UTP3: variants seen among roughly 807,000 people sequenced by gnomAD.
UTP3 encodes the protein UTP3 small subunit processome component.
A neutral mutation model predicts 37.9 loss-of-function variants in UTP3; 19 were observed. The observed-to-expected ratio is 0.50, with a 90% confidence interval of 0.35 to 0.74. The LOEUF is 0.74. UTP3 is among the 30% of genes least tolerant of loss of function. UTP3 has a pLI of 0.01. For missense variants in UTP3, 504 were observed against 570.7 expected (o/e 0.88, Z 1.19); for synonymous variants, 242 against 218.5 (o/e 1.11, Z -0.95).
Position 70,690,167 on chromosome 4 carries a change from T to C in UTP3, c.*50T>C. The C allele has an allele frequency of 6.6e-7, 1 of 1,507,754 alleles. No homozygotes were observed. The highest frequency in any genetic ancestry group is 8.8e-7 in the Non-Finnish European group (1 of 1,131,024). 93.4% of individuals were successfully genotyped at this position (1,507,754 alleles called of 1,614,324 possible). A position where few individuals can be genotyped will look rare whatever the true frequency, so the allele number is the denominator to read the frequency against. On this transcript the variant is annotated 3_prime_UTR_variant, in exon 1 of 1. Transcript: ENST00000254803. ...TGGCAGTTTTGGATCAATAAATTTT[T>C]ACTTTTAACTAAAGTCATTGTATTA... is the stretch of plus-strand genomic sequence containing the variant.
rs1368408079 is a variant in UTP3, at chr4:70,689,773, G to A, written c.1096G>A (p.Asp366Asn). 1.2e-6 allele frequency: 2 copies of A among 1,613,540 alleles called. No individual in the cohort carries two copies. The change falls in exon 1 of 1, where the codon GAT becomes AAT. Residue 366 changes from aspartate to asparagine, a missense_variant. Coordinates refer to ENST00000254803, the MANE Select transcript of UTP3 (RefSeq NM_020368.3). ...TGCCTGTGCTGTTACAGATCTTTCT[G>A]ATGATTCTGATTTTGATGAAAAAGC... ...AAACAVTDLS[D>N]DSDFDEKAKL...
chr4:70,688,988 A>C lies in UTP3; in HGVS notation c.311A>C (p.Glu104Ala), dbSNP rs1739565563. The stretch of plus-strand genomic sequence containing the variant: ...GGGAATGCGGGGGAGGAGGAGGAGG[A>C]GGAGAATGCCGATGATGATGGTGGG... ...DGGNAGEEEEEENADDDGGSS... is the reference protein window; with the variant it reads ...DGGNAGEEEEAENADDDGGSS... The change falls in exon 1 of 1, where the codon GAG (glutamate) becomes GCG (alanine). Residue 104 changes from glutamate (E) to alanine (A), a missense_variant. Glu to Ala is a moderately radical substitution (Grantham distance 107). Transcript: ENST00000254803. 1 of 1,595,566 alleles carries C rather than the reference A, an allele frequency of 6.3e-7. No individual in the cohort carries two copies. The highest frequency in any genetic ancestry group is 8.5e-7 in the Non-Finnish European group (1 of 1,169,622).
chr4:70,689,195 C>T lies in UTP3; in HGVS notation c.518C>T (p.Ala173Val), dbSNP rs1395290400. The T allele has an allele frequency of 1.9e-6, 3 of 1,614,062 alleles. No individual in the cohort carries two copies. In the South Asian group the frequency reaches 3.3e-5, roughly 18 times the overall value. ...GCACAGATCATTCAGCGGCGCCTAG[C>T]CCAAGCGCTGCAAGAGGATGATTTT... ...EEAQIIQRRL[A>V]QALQEDDFGV... Residue 173 changes from alanine (A) to valine (V), a missense_variant, in exon 1 of 1, where the codon GCC becomes GTC. By Grantham distance (64) the Ala-to-Val change is moderately conservative. Coordinates refer to ENST00000254803, the MANE Select transcript of UTP3 (RefSeq NM_020368.3).
chr4:70,689,231 G>A lies in UTP3; in HGVS notation c.554G>A (p.Trp185Ter), dbSNP rs1739571726. Reference protein sequence around the residue: ...ALQEDDFGVAWVEAFAKPVPQ... With the variant: ...ALQEDDFGVA ...CAAGAGGATGATTTTGGTGTCGCCT[G>A]GGTTGAGGCCTTTGCAAAACCAGTG... Residue 185 changes from tryptophan (W) to a stop codon, truncating the protein, a stop_gained, in exon 1 of 1, where the codon TGG (tryptophan) becomes TAG (stop). Transcript: ENST00000254803. LOFTEE classifies it high-confidence loss of function. 6.2e-7 allele frequency: 1 copy of A among 1,614,196 alleles called. No individual in the cohort carries two copies. Among genetic ancestry groups the A allele is most frequent in the Non-Finnish European group, 8.5e-7 (1 of 1,180,022 alleles).
chr4:70,688,880 A>G lies in UTP3; in HGVS notation c.203A>G (p.Gln68Arg), dbSNP rs1739562564. The G allele has an allele frequency of 6.2e-7, 1 of 1,614,038 alleles. No homozygotes were observed. Among genetic ancestry groups the G allele is most frequent in the South Asian group, 1.1e-5 (1 of 91,084 alleles). The part of the protein sequence containing the change: ...AALAKGWNEV[Q>R]SGDEEDGEEE... The stretch of plus-strand genomic sequence containing the variant: ...TTAGCTAAGGGCTGGAATGAAGTAC[A>G]GAGTGGAGACGAGGAGGATGGCGAG... The change falls in exon 1 of 1, where the codon CAG (glutamine) becomes CGG (arginine). Residue 68 changes from glutamine to arginine, a missense_variant. Gln to Arg is a conservative substitution (Grantham distance 43, BLOSUM62 1). Coordinates refer to ENST00000254803, the MANE Select transcript of UTP3 (RefSeq NM_020368.3).
In UTP3 at chr4:70,689,457, A is replaced by G. The variant is rs1230892564; in HGVS notation, c.780A>G (p.Lys260=). The change falls in exon 1 of 1, where the codon AAA becomes AAG. Residue 260 remains lysine, a synonymous_variant. Transcript: ENST00000254803. ...LVEQGIIPPG[K]GSQYLRTKYN... ...AACAAGGGATCATTCCACCCGGAAAAGGAAGCCAATACTTGAGGACCAAGT... is the reference window on the plus strand; with the variant it reads ...AACAAGGGATCATTCCACCCGGAAAGGGAAGCCAATACTTGAGGACCAAGT... The G allele has an allele frequency of 6.2e-7, 1 of 1,614,216 alleles. No individual in the cohort carries two copies. The highest frequency in any genetic ancestry group is 2.2e-5 in the East Asian group (1 of 44,892).
rs1428460508 is a variant in UTP3, at chr4:70,689,887, G to A, written c.1210G>A (p.Asp404Asn). 4 of 1,613,960 alleles carry A rather than the reference G, an allele frequency of 2.5e-6. No individual in the cohort carries two copies. The highest frequency in any genetic ancestry group is 3.4e-6 in the Non-Finnish European group (4 of 1,179,988). Residue 404 changes from aspartate (D) to asparagine (N), a missense_variant, in exon 1 of 1, where the codon GAT becomes AAT. Asp to Asn is a conservative substitution (Grantham distance 23). Coordinates refer to ENST00000254803, the MANE Select transcript of UTP3 (RefSeq NM_020368.3). Reference sequence around the variant, plus strand: ...TAGCACTGAAGAACAGGCTCTTGAAGATCAAAATGCAAAGAGAGCTATTAC... The same window carrying A: ...TAGCACTGAAGAACAGGCTCTTGAAAATCAAAATGCAAAGAGAGCTATTAC... Reference protein sequence around the residue: ...ENSTEEQALEDQNAKRAITYQ... With the variant: ...ENSTEEQALENQNAKRAITYQ...
In UTP3 at chr4:70,688,973, G is replaced by A; in HGVS notation, c.296G>A (p.Gly99Glu). Residue 99 changes from glycine to glutamate, a missense_variant, in exon 1 of 1, where the codon GGG (glycine) becomes GAG (glutamate). Transcript: ENST00000254803. ...DEDDEDGGNA[G>E]EEEEEENADD... ...GACGACGAAGATGGAGGGAATGCGG[G>A]GGAGGAGGAGGAGGAGGAGAATGCC... 6.2e-7 allele frequency: 1 copy of A among 1,600,062 alleles called. No homozygotes were observed. The highest frequency in any genetic ancestry group is 8.5e-7 in the Non-Finnish European group (1 of 1,171,754).
rs1739572358 is a variant in UTP3 at position 70,689,261 on chromosome 4, A to G, written c.584A>G (p.Gln195Arg). The G allele has an allele frequency of 6.2e-7, 1 of 1,614,236 alleles. No individual in the cohort carries two copies. The highest frequency in any genetic ancestry group is 2.2e-5 in the East Asian group (1 of 44,888). Reference sequence around the variant, plus strand: ...GAGGCCTTTGCAAAACCAGTGCCTCAGGTAGATGAGGCTGAGACACGGGTC... The same window carrying G: ...GAGGCCTTTGCAAAACCAGTGCCTCGGGTAGATGAGGCTGAGACACGGGTC... Reference protein sequence around the residue: ...WVEAFAKPVPQVDEAETRVVK... With the variant: ...WVEAFAKPVPRVDEAETRVVK... Residue 195 changes from glutamine (Q) to arginine (R), a missense_variant, in exon 1 of 1, where the codon CAG becomes CGG. By Grantham distance (43) the Gln-to-Arg change is conservative. Coordinates refer to ENST00000254803, the MANE Select transcript of UTP3 (RefSeq NM_020368.3).
At position 70,689,037 on chromosome 4, in the gene UTP3, G is replaced by A. The variant is rs149285635; in HGVS notation, c.360G>A (p.Glu120=). The stretch of plus-strand genomic sequence containing the variant: ...GGAGCTCCGTGCAAAGTGAAGCTGA[G>A]GCCTCTGTGGATCCCAGTTTGTCGT... ...DGGSSVQSEA[E]ASVDPSLSWG... The change falls in exon 1 of 1, where the codon GAG becomes GAA. Residue 120 remains glutamate, a synonymous_variant. Transcript: ENST00000254803. 2.8e-5 allele frequency: 44 copies of A among 1,588,406 alleles called. No individual in the cohort carries two copies. The Admixed American group carries it at 6.2e-4, about 22-fold the overall frequency.
chr4:70,688,692 C>G lies in UTP3; in HGVS notation c.15C>G (p.Ser5=). MVGR[S]RRRGAAKWAA... ...GATTGTGAGCCATGGTGGGGAGATC[C>G]CGGCGGCGCGGAGCAGCTAAGTGGG... The change falls in exon 1 of 1, where the codon TCC becomes TCG. Residue 5 remains serine (S), a synonymous_variant. Coordinates refer to ENST00000254803, the MANE Select transcript of UTP3 (RefSeq NM_020368.3). 1 of 1,612,982 alleles carries G rather than the reference C, an allele frequency of 6.2e-7. No homozygotes were observed. The highest frequency in any genetic ancestry group is 8.5e-7 in the Non-Finnish European group (1 of 1,179,746).
Position 70,689,577 on chromosome 4 carries a change from G to C in UTP3, c.900G>C (p.Arg300Ser), listed in dbSNP as rs1316015121. ...VPAHGHPVIE[R>S]LVTYRNLINK... Reference sequence around the variant, plus strand: ...CACATGGACATCCTGTCATAGAAAGGCTTGTTACCTACCGAAATTTGATCA... The same window carrying C: ...CACATGGACATCCTGTCATAGAAAGCCTTGTTACCTACCGAAATTTGATCA... The change falls in exon 1 of 1, where the codon AGG (arginine) becomes AGC (serine). Residue 300 changes from arginine (R) to serine (S), a missense_variant. Coordinates refer to ENST00000254803, the MANE Select transcript of UTP3 (RefSeq NM_020368.3). The C allele has an allele frequency of 6.2e-7, 1 of 1,614,180 alleles. No individual in the cohort carries two copies. The highest frequency in any genetic ancestry group is 1.1e-5 in the South Asian group (1 of 91,076).
In UTP3 at chr4:70,689,003, A is replaced by G. The variant is rs745723381; in HGVS notation, c.326A>G (p.Asp109Gly). The G allele has an allele frequency of 1.3e-6, 2 of 1,592,008 alleles. No homozygotes were observed. Among genetic ancestry groups the G allele is most frequent in the African/African-American group, 2.7e-5 (2 of 74,414 alleles). Residue 109 changes from aspartate (D) to glycine (G), a missense_variant, in exon 1 of 1, where the codon GAT becomes GGT. Asp to Gly is a moderately conservative substitution (Grantham distance 94, BLOSUM62 -1). Transcript: ENST00000254803. ...GAGGAGGAGGAGGAGAATGCCGATG[A>G]TGATGGTGGGAGCTCCGTGCAAAGT... The part of the protein sequence containing the change: ...GEEEEEENAD[D>G]DGGSSVQSEA...
rs749514015 is a variant in UTP3, at chr4:70,689,427, G to A, written c.750G>A (p.Leu250=). ...ATGAGCTGGAGCCATTGTTAGAGTT[G>A]GTGGAACAAGGGATCATTCCACCCG... is the stretch of plus-strand genomic sequence containing the variant. ...VKDELEPLLE[L]VEQGIIPPGK... Residue 250 remains leucine, a synonymous_variant, in exon 1 of 1, where the codon TTG becomes TTA. Coordinates refer to ENST00000254803, the MANE Select transcript of UTP3 (RefSeq NM_020368.3). 2.2e-5 allele frequency: 35 copies of A among 1,614,122 alleles called. No individual in the cohort carries two copies. The highest frequency in any genetic ancestry group is 2.8e-5 in the Non-Finnish European group (33 of 1,180,018).
In UTP3 at chr4:70,688,638, C is replaced by T. The variant is rs768198889; in HGVS notation, c.-40C>T. On this transcript the variant is annotated 5_prime_UTR_variant, in exon 1 of 1. Coordinates refer to ENST00000254803, the MANE Select transcript of UTP3 (RefSeq NM_020368.3). ...TTCCTGCGCCGAAGTCAGTGGTGGC[C>T]GAAAGTCCGGAGTCGCTGTAAAACC... The T allele has an allele frequency of 1.0e-5, 16 of 1,565,384 alleles. No homozygotes were observed. The highest frequency in any genetic ancestry group is 1.8e-5 in the Admixed American group (1 of 54,056).
chr4:70,689,100 T>TGGTTCCA lies in UTP3; in HGVS notation c.424_430dup (p.Lys144ArgfsTer39). On this transcript the variant is annotated frameshift_variant, in exon 1 of 1. Transcript: ENST00000254803. LOFTEE classifies it high-confidence loss of function. ...AAAAACTTTACTATGACACGGACTA[T>TGGTTCCA]GGTTCCAAGTCCCGAGGCCGGCAGA... 1 of 1,612,150 alleles carries TGGTTCCA rather than the reference T, an allele frequency of 6.2e-7. No homozygotes were observed. Among genetic ancestry groups the TGGTTCCA allele is most frequent in the Non-Finnish European group, 8.5e-7 (1 of 1,179,336 alleles).
At position 70,689,376 on chromosome 4, in the gene UTP3, GA is replaced by G; in HGVS notation, c.702del (p.Val235SerfsTer3). The G allele has an allele frequency of 9.3e-6, 15 of 1,614,180 alleles. No individual in the cohort carries two copies. Among genetic ancestry groups the G allele is most frequent in the Non-Finnish European group, 1.3e-5 (15 of 1,180,040 alleles). Reference protein sequence around the residue: ...PELLELIEDLKVKLTEVKDEL... With the variant: ...PELLELIEDLXVKLTEVKDEL... ...AACTCTTGGAGCTGATAGAAGACCT[GA>G]AAGTCAAGTTGACAGAGGTTAAGGA... On this transcript the variant is annotated frameshift_variant, in exon 1 of 1. Transcript: ENST00000254803. LOFTEE classifies it high-confidence loss of function.
At position 70,689,511 on chromosome 4, in the gene UTP3, C is replaced by T. The variant is rs751491812; in HGVS notation, c.834C>T (p.Asn278=). 7.4e-6 allele frequency: 12 copies of T among 1,614,194 alleles called. No homozygotes were observed. The highest frequency in any genetic ancestry group is 2.5e-6 in the Non-Finnish European group (3 of 1,180,040). The change falls in exon 1 of 1, where the codon AAC becomes AAT. Residue 278 remains asparagine (N), a synonymous_variant. Coordinates refer to ENST00000254803, the MANE Select transcript of UTP3 (RefSeq NM_020368.3). ...KYNLYLNYCS[N]ISFYLILKAR... is the part of the protein sequence containing the mutation. ...ACCTCTACTTGAATTATTGCTCGAA[C>T]ATCAGTTTTTATTTGATCCTGAAAG...
At position 70,690,279 on chromosome 4, in the gene UTP3, A is replaced by C; in HGVS notation, c.*162A>C. On this transcript the variant is annotated 3_prime_UTR_variant, in exon 1 of 1. Transcript: ENST00000254803. ...ACAATTTATAAGAACTATGGGAGCAATATGAAGGTGCTTGAGAAAAGAGAT... is the reference window on the plus strand; with the variant it reads ...ACAATTTATAAGAACTATGGGAGCACTATGAAGGTGCTTGAGAAAAGAGAT... 1.5e-6 allele frequency: 1 copy of C among 667,254 alleles called. No individual in the cohort carries two copies. Among genetic ancestry groups the C allele is most frequent in the Non-Finnish European group, 2.2e-6 (1 of 452,934 alleles). 41.3% of individuals were successfully genotyped at this position (667,254 alleles called of 1,614,324 possible).
Sources: gnomAD v4.1 joint callset for allele counts on GRCh38, gnomAD v4.1.1 for gene constraint, MANE v1.5 for transcripts, NCBI Gene and HGNC (gene_info 2026-07-23, HGNC 2026-07-21) for gene names.